The following DNAAF11 variants were observed in gnomAD, a reference collection of about 807,000 sequenced individuals.
The protein encoded by DNAAF11 is dynein axonemal assembly factor 11, also known as leucine rich repeat containing 6.
In DNAAF11, 45 loss-of-function variants were observed where a neutral mutation model predicts 60.8. The ratio of observed to expected loss-of-function variants is 0.74; its 90% CI spans 0.58 to 0.95. The LOEUF (loss-of-function observed/expected upper bound fraction) is 0.95, where lower values mean the gene tolerates loss of function less well. DNAAF11 is among the 40% of genes least tolerant of loss of function. The pLI is 0.00. For missense variants in DNAAF11, 546 were observed against 546.2 expected, an observed-to-expected ratio of 1.00 and a Z score of 0.00; for synonymous variants, 191 against 183.5, an observed-to-expected ratio of 1.04 and a Z score of -0.33.
At chr8:132,636,710 C>G (rs558066255) in intron 4 of DNAAF11, among the ~76,000 whole-genome samples, 2 of 152,180 alleles carry the variant, frequency 1.3e-5, no homozygotes, top group African/African-American at 2.4e-5. Flanking sequence ...CTATGATAGT[C>G]TGGGTCTCAT....
At chr8:132,642,457 C>T (rs1488683522) in intron 3 of DNAAF11, among the ~76,000 whole-genome samples, 1 of 152,226 alleles carries the variant, frequency 6.6e-6, no homozygotes, top group African/African-American at 2.4e-5. Flanking sequence ...GCCTGACCAA[C>T]AGACTGTGGA....
At chr8:132,695,153 G>C in the DNAAF11 span, among the ~76,000 whole-genome samples, 2 of 152,144 alleles carry the variant, frequency 1.3e-5, no homozygotes, top group African/African-American at 4.8e-5. Context: ...GGGTGGGTTT[G>C]AGAAAGACTT....
intron 10 of DNAAF11, among the ~76,000 whole-genome samples, chr8:132,586,407 T>C (rs1367070226): frequency 6.6e-6 from 1 of 152,220 alleles, no homozygotes; most frequent in African/African-American, 2.4e-5. Context: ...TATTAAATTT[T>C]AATTAATTTG....
At chr8:132,691,403 T>A in the DNAAF11 span, among the ~76,000 whole-genome samples, 1 of 152,186 alleles carries the variant, frequency 6.6e-6, no homozygotes, top group South Asian at 2.1e-4. Flanking sequence ...CCCAGGCTCA[T>A]CTTGTATGTT....
intron 3 of DNAAF11, among the ~76,000 whole-genome samples, chr8:132,655,785 T>C (rs1823499063): frequency 6.6e-6 from 1 of 152,168 alleles, no homozygotes; most frequent in South Asian, 2.1e-4. Context: ...ACTTCACACC[T>C]ATTAGGGTAG....
chr8:132,688,837 A>G, the DNAAF11 span, among the ~76,000 whole-genome samples: 2 of 152,204 alleles, frequency 1.3e-5, no homozygotes, highest in Non-Finnish European at 2.9e-5. Flanking sequence ...GGATGTCACT[A>G]ACTTGCAACT....
At chr8:132,675,892 C>A (rs1825742226), upstream of DNAAF11, among the ~76,000 whole-genome samples, 1 of 152,222 alleles carries the variant, frequency 6.6e-6, no homozygotes, top group Admixed American at 6.5e-5. Context: ...TGATTTACAG[C>A]TTCCAGAGCC....
intron 11 of DNAAF11, among the ~76,000 whole-genome samples, chr8:132,578,025 T>C (rs1470608346): frequency 1.3e-5 from 2 of 152,088 alleles, no homozygotes; most frequent in Non-Finnish European, 2.9e-5. Flanking sequence ...TCAAACACCT[T>C]CATTATAGTC....
At chr8:132,581,661 CAAAAA>C (rs59380140) in intron 11 of DNAAF11, among the ~76,000 whole-genome samples, 1 of 82,990 alleles carries the variant, frequency 1.2e-5, no homozygotes, top group Admixed American at 1.3e-4. Context: ...GACTCTGCCT[CAAAAA>C]AAAAAAAAAA....
intron 11 of DNAAF11, among the ~76,000 whole-genome samples, chr8:132,575,301 G>A (rs567669490): frequency 7.2e-5 from 11 of 152,330 alleles, no homozygotes; most frequent in African/African-American, 2.4e-4. Context: ...TGTAAAGGAC[G>A]TAGAGAAGTG....
chr8:132,602,364 C>A (rs979015880), intron 10 of DNAAF11, among the ~76,000 whole-genome samples: 1 of 152,110 alleles, frequency 6.6e-6, no homozygotes. Flanking sequence ...AGTTCCATCA[C>A]CCCTTATGTA....
At chr8:132,621,152 C>T (rs754657965) in intron 7 of DNAAF11, among the ~76,000 whole-genome samples, 4 of 152,034 alleles carry the variant, frequency 2.6e-5, no homozygotes, top group Non-Finnish European at 4.4e-5. Flanking sequence ...AGAAAGATGG[C>T]CTGAAAGTGG....
chr8:132,697,997 A>G, the DNAAF11 span, among the ~76,000 whole-genome samples: 2 of 152,174 alleles, frequency 1.3e-5, no homozygotes, highest in Non-Finnish European at 2.9e-5. Context: ...AATTATCACA[A>G]CACCCCTGTG....
intron 3 of DNAAF11, among the ~76,000 whole-genome samples, chr8:132,656,016 A>C (rs1823529276): frequency 1.3e-5 from 2 of 152,138 alleles, no homozygotes; most frequent in Admixed American, 1.3e-4. Context: ...CCTAGAAAAA[A>C]CTGTGCACAT....
chr8:132,679,850 C>T (rs573150148), upstream of DNAAF11, among the ~76,000 whole-genome samples: 6 of 152,310 alleles, frequency 3.9e-5, no homozygotes, highest in East Asian at 1.9e-4. Flanking sequence ...TCCACAGCCA[C>T]GTGGAGCTGT....
chr8:132,619,648 C>T (rs891759321), intron 7 of DNAAF11, among the ~76,000 whole-genome samples: 7 of 152,094 alleles, frequency 4.6e-5, no homozygotes, highest in Admixed American at 2.0e-4. Flanking sequence ...CAGACAATTC[C>T]ATTAAATGGG....
At chr8:132,681,699 A>C in the DNAAF11 span, among the ~76,000 whole-genome samples, 2 of 152,194 alleles carry the variant, frequency 1.3e-5, no homozygotes, top group Non-Finnish European at 2.9e-5. Flanking sequence ...GTAGAAAAGC[A>C]TGTCTCAAAA....
intron 7 of DNAAF11, among the ~76,000 whole-genome samples, chr8:132,619,967 A>G (rs1819590403): frequency 6.6e-6 from 1 of 152,184 alleles, no homozygotes; most frequent in African/African-American, 2.4e-5. Context: ...GGAGGAAAAG[A>G]AATCTCCTGA....
chr8:132,673,482 T>C (rs138680954), intron 1 of DNAAF11, among the ~76,000 whole-genome samples: 72 of 152,316 alleles, frequency 4.7e-4, no homozygotes, highest in African/African-American at 1.6e-3. Context: ...ACAAAACCTT[T>C]TGGTTTCTCT....
Sources: allele counts gnomAD v4.1 joint callset (sites outside exome capture counted in the v4.1 genomes callset), GRCh38; gene constraint gnomAD v4.1.1; transcripts MANE v1.5; gene names NCBI Gene and HGNC (gene_info 2026-07-23, HGNC 2026-07-21).